ZNF536: variants seen among roughly 807,000 people sequenced by gnomAD.
ZNF536 encodes the protein zinc finger protein 536.
Under a neutral mutation model 84.5 loss-of-function variants are expected in ZNF536, and 13 were observed. The ratio of observed to expected loss-of-function variants is 0.15; its 90% confidence interval spans 0.10 to 0.24. The LOEUF (loss-of-function observed/expected upper bound fraction) is 0.24, where lower values mean the gene tolerates loss of function less well. Among genes scored for constraint, ZNF536 ranks in the 10% least tolerant of loss-of-function variants. ZNF536 has a pLI of 1.00. For synonymous variants in ZNF536, 811 were observed against 742.5 expected (o/e 1.09, Z -1.50); for missense variants, 1,536 against 1,747.5 (o/e 0.88, Z 2.16).
intron 2 of ZNF536, among the ~76,000 whole-genome samples, chr19:30,512,278 G>A (rs1013204777): frequency 1.3e-5 from 2 of 152,162 alleles, no homozygotes; most frequent in East Asian, 3.9e-4. Flanking sequence ...GCCTTAAAAT[G>A]TCGTTCAGAA....
intron 2 of ZNF536, among the ~76,000 whole-genome samples, chr19:30,298,482 A>G (rs1429301294): frequency 1.3e-5 from 2 of 152,230 alleles, no homozygotes; most frequent in African/African-American, 4.8e-5. Context: ...TAATGCTGGT[A>G]GCGTTGGGGT....
At chr19:30,409,464 T>A (rs1182503822) in intron 1 of ZNF536, among the ~76,000 whole-genome samples, 2 of 152,222 alleles carry the variant, frequency 1.3e-5, no homozygotes, top group Non-Finnish European at 2.9e-5. Context: ...GCTCCCAGCT[T>A]CCTTGGCAGC....
At chr19:30,307,744 C>G (rs371485470) in intron 2 of ZNF536, among the ~76,000 whole-genome samples, 2 of 152,156 alleles carry the variant, frequency 1.3e-5, no homozygotes, top group African/African-American at 4.8e-5. Flanking sequence ...GTAAAACCGG[C>G]GACAATGATT....
chr19:30,511,025 T>C (rs532894749), intron 2 of ZNF536, among the ~76,000 whole-genome samples: 1 of 152,252 alleles, frequency 6.6e-6, no homozygotes, highest in South Asian at 2.1e-4. Flanking sequence ...GAAATAACAC[T>C]CTGAAGTGTG....
chr19:30,399,982 C>G (rs953916625), intron 1 of ZNF536, among the ~76,000 whole-genome samples: 1 of 152,200 alleles, frequency 6.6e-6, no homozygotes, highest in African/African-American at 2.4e-5. Flanking sequence ...GCCACCGCAC[C>G]CAGCCTTGGC....
intron 2 of ZNF536, among the ~76,000 whole-genome samples, chr19:30,459,356 T>TTC (rs2053028203): frequency 7.0e-6 from 1 of 142,316 alleles, no homozygotes; most frequent in African/African-American, 2.6e-5. Context: ...CTTTCTCTCT[T>TTC]TTTTTTTTTT....
At chr19:30,282,370 A>G (rs2045478531) in intron 1 of ZNF536, among the ~76,000 whole-genome samples, 1 of 152,040 alleles carries the variant, frequency 6.6e-6, no homozygotes, top group South Asian at 2.1e-4. Context: ...GATTTAGAGC[A>G]TAGAACCTGA....
intron 1 of ZNF536, among the ~76,000 whole-genome samples, chr19:30,404,097 C>A (rs893159894): frequency 4.1e-5 from 5 of 122,348 alleles, no homozygotes; most frequent in African/African-American, 1.6e-4. Flanking sequence ...TCCCACGTTT[C>A]TTATTGCTAG....
chr19:30,598,973 T>TTCCCTCCCTCCC (rs1208275064), intron 1 of ZNF536, among the ~76,000 whole-genome samples: 1 of 66,024 alleles, frequency 1.5e-5, no homozygotes, highest in Non-Finnish European at 3.6e-5. Flanking sequence ...CCTTCCCTCC[T>TTCCCTCCCTCCC]TCCCTCCCTC....
At position 30,526,732 on chromosome 19, in the gene ZNF536, A is replaced by G. The variant is rs1342615732; in HGVS notation, c.2171-8115A>G. On this transcript the variant is annotated intron_variant, in intron 2 of 4. Coordinates refer to ENST00000355537, the MANE Select transcript of ZNF536 (RefSeq NM_014717.3). Reference sequence around the variant, plus strand: ...GAGCGAGACTCCGTCTCAAAAAAAAAAAAAAAAAAAAAAGAACGGGTTCAG... The same window carrying G: ...GAGCGAGACTCCGTCTCAAAAAAAAGAAAAAAAAAAAAAGAACGGGTTCAG... 7.2e-5 allele frequency among the ~76,000 whole-genome samples: 9 copies of G among 124,550 alleles called. No homozygotes were observed. The South Asian group carries it at 2.0e-3, about 28-fold the overall frequency. 81.7% of individuals were successfully genotyped at this position (124,550 alleles called of 152,430 possible). A position where few individuals can be genotyped will look rare whatever the true frequency, so the allele number is the denominator to read the frequency against.
Position 30,419,528 on chromosome 19 carries a change from A to G in ZNF536, c.-2-24033A>G, listed in dbSNP as rs1020895147. On this transcript the variant is annotated intron_variant, in intron 1 of 4. Transcript: ENST00000355537. ...ATATGTCATCATTACAAACACACAC[A>G]CATATGCGTGTGTATATTCACGTGT... 1.2e-4 allele frequency among the ~76,000 whole-genome samples: 18 copies of G among 152,290 alleles called. No homozygotes were observed. The East Asian group carries it at 3.5e-3, about 29-fold the overall frequency.
At chr19:30,561,949 G>A (rs1303252994), downstream of ZNF536, among the ~76,000 whole-genome samples, 7 of 152,312 alleles carry the variant, frequency 4.6e-5, no homozygotes, top group East Asian at 1.4e-3. Flanking sequence ...ACCTACCAGA[G>A]CCACAGATGA....
chr19:30,522,044 C>T (rs1052064199), intron 2 of ZNF536, among the ~76,000 whole-genome samples: 10 of 151,462 alleles, frequency 6.6e-5, no homozygotes, highest in African/African-American at 2.2e-4. Context: ...GAACACTGGA[C>T]CGGGAGGGCC....
intron 1 of ZNF536, among the ~76,000 whole-genome samples, chr19:30,245,241 G>A (rs961329374): frequency 2.0e-5 from 3 of 152,164 alleles, no homozygotes; most frequent in Non-Finnish European, 4.4e-5. Flanking sequence ...GGCCATTCCT[G>A]TCCTCTTCTA....
At chr19:30,236,860 G>T (rs2023563564) in intron 1 of ZNF536, among the ~76,000 whole-genome samples, 1 of 152,150 alleles carries the variant, frequency 6.6e-6, no homozygotes, top group Non-Finnish European at 1.5e-5. Flanking sequence ...TGGCATGTTT[G>T]TTCTTTGGCG....
In ZNF536 at chr19:30,443,935, C is replaced by T. The variant is rs1347867112; in HGVS notation, c.373C>T (p.Arg125Cys). 2 of 1,613,660 alleles carry T rather than the reference C, an allele frequency of 1.2e-6. No individual in the cohort carries two copies. The highest frequency in any genetic ancestry group is 2.2e-5 in the East Asian group (1 of 44,876). The change falls in exon 2 of 5, where the codon CGC becomes TGC. Residue 125 changes from arginine to cysteine, a missense_variant. By Grantham distance (180) the Arg-to-Cys change is radical. Coordinates refer to ENST00000355537, the MANE Select transcript of ZNF536 (RefSeq NM_014717.3). Reference protein sequence around the residue: ...SQMSDIEDDARKNRKYPCPLC... With the variant: ...SQMSDIEDDACKNRKYPCPLC... ...GATGAGCGACATCGAGGACGACGCC[C>T]GCAAGAACCGCAAGTACCCGTGCCC...
intron 1 of ZNF536, among the ~76,000 whole-genome samples, chr19:30,606,645 A>G (rs925914307): frequency 1.3e-4 from 20 of 152,164 alleles, no homozygotes; most frequent in Non-Finnish European, 2.4e-4. Context: ...GGTAGGTAAC[A>G]CTTTGTGAAG....
chr19:30,244,216 TC>T (rs1426028836), intron 1 of ZNF536, among the ~76,000 whole-genome samples: 2 of 152,170 alleles, frequency 1.3e-5, no homozygotes. Context: ...ACAGGATTGC[TC>T]ATTTCCCATT....
chr19:30,359,200 C>T (rs981079581), intron 3 of ZNF536, among the ~76,000 whole-genome samples: 16 of 152,340 alleles, frequency 1.1e-4, no homozygotes, highest in African/African-American at 2.9e-4. Context: ...TTTGTGTAAA[C>T]ACAAGTGTGT....
Sources: gnomAD v4.1 joint callset for allele counts (sites outside exome capture counted in the v4.1 genomes callset) on GRCh38, gnomAD v4.1.1 for gene constraint, MANE v1.5 for transcripts, NCBI Gene and HGNC (gene_info 2026-07-23, HGNC 2026-07-21) for gene names.